TIPIN: variants seen among roughly 807,000 people sequenced by gnomAD.
TIPIN encodes TIMELESS-interacting protein.
In TIPIN, 29 loss-of-function variants were observed where a neutral mutation model predicts 35.6. The observed-to-expected ratio is 0.82, with a 90% CI of 0.61 to 1.11. The LOEUF is 1.11. TIPIN is among the 50% of genes most tolerant of loss of function. The pLI, the probability that TIPIN is intolerant of heterozygous loss-of-function variation, is 0.00. For missense variants in TIPIN, 296 were observed against 345.4 expected, an observed-to-expected ratio of 0.86 and a Z score of 1.13; for synonymous variants, 102 against 121.5, an observed-to-expected ratio of 0.84 and a Z score of 1.06.
At chr15:66,370,546 G>A (rs1190247091) in intron 1 of TIPIN, among the ~76,000 whole-genome samples, 1 of 152,104 alleles carries the variant, frequency 6.6e-6, no homozygotes, top group Non-Finnish European at 1.5e-5. Context: ...TCTTTGCACT[G>A]TAACTCTTTA....
chr15:66,379,582 C>A lies in TIPIN; in HGVS notation c.-9+7025G>T, dbSNP rs926815485. The A allele has an allele frequency of 8.1e-6, 13 of 1,611,242 alleles. No homozygotes were observed. The Admixed American group carries it at 2.0e-4, about 25-fold the overall frequency. ...TCACCCAAGAAATTTCGGATTTCAACAACAGACCCATTCTCCGGGATAACG... is the reference window on the plus strand; with the variant it reads ...TCACCCAAGAAATTTCGGATTTCAAAAACAGACCCATTCTCCGGGATAACG... On this transcript the variant is annotated intron_variant, in intron 1 of 7. Coordinates refer to the TIPIN transcript ENST00000562124.
intron 7 of TIPIN, among the ~76,000 whole-genome samples, chr15:66,338,884 G>A (rs1174299469): frequency 6.7e-6 from 1 of 148,462 alleles, no homozygotes; most frequent in African/African-American, 2.5e-5. Context: ...TGTAATCCCA[G>A]GACTTTGGGA....
At chr15:66,355,337 G>A (rs552692024) in intron 1 of TIPIN, among the ~76,000 whole-genome samples, 1 of 151,494 alleles carries the variant, frequency 6.6e-6, no homozygotes, top group South Asian at 2.1e-4. Context: ...CCGGCCCCAG[G>A]TGCTCAATAT....
At position 66,352,838 on chromosome 15, in the gene TIPIN, C is replaced by A; in HGVS notation, c.110G>T (p.Gly37Val). Residue 37 changes from glycine to valine, a missense_variant, in exon 2 of 8, where the codon GGT (glycine) becomes GTT (valine). By Grantham distance (109) the Gly-to-Val change is moderately radical (BLOSUM62 -3). Coordinates refer to ENST00000261881, the MANE Select transcript of TIPIN (RefSeq NM_017858.3). ...PPPASPERQDGEGTEPDEESG... is the reference protein window; with the variant it reads ...PPPASPERQDVEGTEPDEESG... ...ACCTTCATCAGGCTCAGTTCCTTCA[C>A]CATCTTGTCTCTCTGGAGAGGCTGG... The A allele has an allele frequency of 6.2e-7, 1 of 1,613,012 alleles. No homozygotes were observed. The highest frequency in any genetic ancestry group is 1.7e-5 in the Admixed American group (1 of 59,952).
chr15:66,352,328 T>A, intron 2 of TIPIN, 121 bp from the exon 3 acceptor site: 4 of 736,446 alleles, frequency 5.4e-6, no homozygotes, highest in Non-Finnish European at 8.7e-6. Context: ...AAACAGGGTC[T>A]CACTCTGTTG....
chr15:66,352,793 T>C (rs1287170361), intron 2 of TIPIN, 22 bp downstream of exon 2: 2 of 1,586,290 alleles, frequency 1.3e-6, no homozygotes, highest in Non-Finnish European at 1.7e-6. Context: ...ACAGCCTCCT[T>C]TTTAAAACTC....
intron 1 of TIPIN, among the ~76,000 whole-genome samples, chr15:66,368,539 A>G (rs945784126): frequency 6.6e-6 from 1 of 152,060 alleles, no homozygotes; most frequent in Non-Finnish European, 1.5e-5. Context: ...AAATAAATAA[A>G]CAAAATAAAA....
chr15:66,344,118 G>A (rs1191895045), intron 6 of TIPIN, among the ~76,000 whole-genome samples: 2 of 151,588 alleles, frequency 1.3e-5, no homozygotes, highest in Non-Finnish European at 2.9e-5. Context: ...TTTTTCAAGA[G>A]ATGGGGACTC....
chr15:66,380,761 G>C (rs1016665673), intron 1 of TIPIN, among the ~76,000 whole-genome samples: 1 of 152,044 alleles, frequency 6.6e-6, no homozygotes, highest in African/African-American at 2.4e-5. Context: ...GTTGCAGTGA[G>C]CCCCAATTGC....
At chr15:66,353,897 G>A (rs2093185990) in intron 1 of TIPIN, among the ~76,000 whole-genome samples, 1 of 151,908 alleles carries the variant, frequency 6.6e-6, no homozygotes, top group Non-Finnish European at 1.5e-5. Flanking sequence ...GAGGCAGACG[G>A]ACCATGAGGT....
At chr15:66,338,944 A>T (rs1191200515) in intron 7 of TIPIN, among the ~76,000 whole-genome samples, 1 of 151,372 alleles carries the variant, frequency 6.6e-6, no homozygotes, top group African/African-American at 2.4e-5. Context: ...CACCCTGGCC[A>T]ACACAGTGAA....
At chr15:66,365,473 G>C (rs908418689) in intron 1 of TIPIN, among the ~76,000 whole-genome samples, 1 of 152,096 alleles carries the variant, frequency 6.6e-6, no homozygotes, top group Non-Finnish European at 1.5e-5. Flanking sequence ...TAATCCACCC[G>C]TTTAGTATAT....
chr15:66,341,032 A>T, intron 7 of TIPIN, 118 bp downstream of exon 7: 1 of 839,458 alleles, frequency 1.2e-6, no homozygotes, highest in Non-Finnish European at 1.9e-6. Flanking sequence ...CATAAACTTA[A>T]TATCACACTT....
chr15:66,381,704 A>C (rs2093319190), intron 1 of TIPIN, among the ~76,000 whole-genome samples: 1 of 152,180 alleles, frequency 6.6e-6, no homozygotes, highest in Admixed American at 6.5e-5. Context: ...ATGGAAGTAG[A>C]ATTACTGAAT....
chr15:66,359,323 C>G (rs2093221406), upstream of TIPIN, among the ~76,000 whole-genome samples: 1 of 151,888 alleles, frequency 6.6e-6, no homozygotes, highest in African/African-American at 2.4e-5. Context: ...TAATATTAAG[C>G]AATTAATAAA....
intron 1 of TIPIN, among the ~76,000 whole-genome samples, chr15:66,364,456 C>G (rs902856924): frequency 2.0e-5 from 3 of 151,872 alleles, no homozygotes; most frequent in Non-Finnish European, 2.9e-5. Flanking sequence ...AAGCCCATGC[C>G]CAGCCAAGAA....
In TIPIN at chr15:66,345,186, G is replaced by C. The variant is rs183493243; in HGVS notation, c.476-3830C>G. ...TTTGAGCACAGTTTGAGGAGTGTAA[G>C]ACAGTCATGCGGACTTGAGGGGTAC... On this transcript the variant is annotated intron_variant, in intron 6 of 7. Coordinates refer to ENST00000261881, the MANE Select transcript of TIPIN (RefSeq NM_017858.3). Among the ~76,000 whole-genome samples, 6 of 152,244 alleles carry C rather than the reference G, an allele frequency of 3.9e-5. No homozygotes were observed. In the East Asian group the frequency reaches 7.7e-4, roughly 20 times the overall value.
chr15:66,370,255 C>T (rs1412895971), intron 1 of TIPIN, among the ~76,000 whole-genome samples: 1 of 152,118 alleles, frequency 6.6e-6, no homozygotes, highest in East Asian at 1.9e-4. Flanking sequence ...CCCTGACTCC[C>T]ACCAAAAAAC....
intron 1 of TIPIN, among the ~76,000 whole-genome samples, chr15:66,369,169 G>T (rs2093268628): frequency 1.3e-5 from 2 of 152,052 alleles, no homozygotes; most frequent in South Asian, 4.2e-4. Context: ...ATAAATAGCT[G>T]CATGGTTCAG....
Sources: allele counts gnomAD v4.1 joint callset (sites outside exome capture counted in the v4.1 genomes callset), GRCh38; gene constraint gnomAD v4.1.1; transcripts MANE v1.5; gene names NCBI Gene and HGNC (gene_info 2026-07-23, HGNC 2026-07-21).